LNPEP: variants seen among roughly 807,000 people sequenced by gnomAD.
The protein encoded by LNPEP is leucyl-cystinyl aminopeptidase.
A neutral mutation model predicts 120.6 loss-of-function variants in LNPEP; 64 were observed. The ratio of observed to expected loss-of-function variants is 0.53; its 90% CI spans 0.43 to 0.65. The LOEUF (loss-of-function observed/expected upper bound fraction) is 0.65, where lower values mean the gene tolerates loss of function less well. Ranked by LOEUF, LNPEP falls within the 30% of genes least tolerant of loss-of-function variation. LNPEP has a pLI of 0.00. For synonymous variants in LNPEP, 435 were observed against 425.4 expected, an observed-to-expected ratio of 1.02 and a Z score of -0.28; for missense variants, 1,057 against 1,200.0, an observed-to-expected ratio of 0.88 and a Z score of 1.76.
chr5:96,971,867 A>G (rs1581994157), intron 1 of LNPEP, among the ~76,000 whole-genome samples: 2 of 152,114 alleles, frequency 1.3e-5, no homozygotes, highest in Admixed American at 6.6e-5. Context: ...TTGAAAAATA[A>G]TAAAACACGT....
At chr5:96,971,336 C>CATT (rs1474154246) in intron 1 of LNPEP, among the ~76,000 whole-genome samples, 3 of 139,250 alleles carry the variant, frequency 2.2e-5, no homozygotes, top group African/African-American at 8.4e-5. Flanking sequence ...GTGCTTAAGA[C>CATT]ATTATTATTT....
chr5:96,979,358 C>T lies in LNPEP; in HGVS notation c.240C>T (p.Ser80=), dbSNP rs1366512556. ...CATCAGCAAAGCTGCTGGGCATGTC[C>T]TTCATGAATAGAAGCTCAGGCCTTC... ...YESSAKLLGM[S]FMNRSSGLRN... Residue 80 remains serine, a synonymous_variant, in exon 2 of 18, where the codon TCC becomes TCT. Coordinates refer to ENST00000231368, the MANE Select transcript of LNPEP (RefSeq NM_005575.3). 4 of 1,613,896 alleles carry T rather than the reference C, an allele frequency of 2.5e-6. No individual in the cohort carries two copies. Among genetic ancestry groups the T allele is most frequent in the East Asian group, 4.5e-5 (2 of 44,888 alleles).
At position 96,979,445 on chromosome 5, in the gene LNPEP, G is replaced by A. The variant is rs1330226956; in HGVS notation, c.327G>A (p.Arg109=). The change falls in exon 2 of 18, where the codon AGG becomes AGA. Residue 109 remains arginine (R), a synonymous_variant. Coordinates refer to ENST00000231368, the MANE Select transcript of LNPEP (RefSeq NM_005575.3). ...GGGCTTGTTCAGTACCCTCTGCAAG[G>A]ACCATGGTGGTCTGTGCTTTTGTCA... ...PDGACSVPSA[R]TMVVCAFVIV... 4 of 1,613,960 alleles carry A rather than the reference G, an allele frequency of 2.5e-6. No individual in the cohort carries two copies. Among genetic ancestry groups the A allele is most frequent in the Non-Finnish European group, 3.4e-6 (4 of 1,179,976 alleles).
At chr5:96,963,971 A>G (rs548481967) in intron 1 of LNPEP, among the ~76,000 whole-genome samples, 1 of 148,570 alleles carries the variant, frequency 6.7e-6, no homozygotes, top group East Asian at 2.2e-4. Flanking sequence ...CCTGCTGTGC[A>G]ATAGAACACC....
intron 17 of LNPEP, 93 bp from the exon 18 acceptor site, chr5:97,028,309 C>G (rs1485746943): frequency 8.9e-7 from 1 of 1,118,500 alleles, no homozygotes; most frequent in East Asian, 2.4e-5. Context: ...GCAGCACAGC[C>G]ATCACTAAGT....
intron 9 of LNPEP, among the ~76,000 whole-genome samples, chr5:97,004,511 CAAA>C (rs200476030): frequency 9.8e-5 from 7 of 71,590 alleles, no homozygotes; most frequent in Admixed American, 1.6e-4. Context: ...GACTCTGTCT[CAAA>C]AAAAAAAAAA....
In LNPEP at chr5:96,993,874, C is replaced by T. The variant is rs1790448593; in HGVS notation, c.1310C>T (p.Thr437Ile). 6.2e-7 allele frequency: 1 copy of T among 1,613,886 alleles called. No homozygotes were observed. Among genetic ancestry groups the T allele is most frequent in the African/African-American group, 1.3e-5 (1 of 75,022 alleles). Residue 437 changes from threonine (T) to isoleucine (I), a missense_variant, in exon 6 of 18, where the codon ACC (threonine) becomes ATC (isoleucine). Physicochemically the swap from Thr to Ile is moderately conservative, Grantham distance 89 (BLOSUM62 -1). Transcript: ENST00000231368. ...GCAATGGAAAATTGGGGTTTGCTCA[C>T]CTTCCGAGAGGAGACACTTCTGTAT... ...AGAMENWGLLTFREETLLYDS... is the reference protein window; with the variant it reads ...AGAMENWGLLIFREETLLYDS...
At chr5:96,983,414 T>C (rs1790171042) in intron 2 of LNPEP, among the ~76,000 whole-genome samples, 2 of 152,202 alleles carry the variant, frequency 1.3e-5, no homozygotes, top group African/African-American at 4.8e-5. Flanking sequence ...TGTTTCTTTT[T>C]ATGCTTTTCC....
intron 1 of LNPEP, among the ~76,000 whole-genome samples, chr5:96,978,618 T>C (rs1790054185): frequency 6.6e-6 from 1 of 152,150 alleles, no homozygotes; most frequent in South Asian, 2.1e-4. Flanking sequence ...AGAATGAGAC[T>C]CAGGGATGAG....
intron 11 of LNPEP, among the ~76,000 whole-genome samples, chr5:97,008,751 G>A (rs1309848267): frequency 2.9e-5 from 4 of 140,202 alleles, no homozygotes; most frequent in South Asian, 4.6e-4. Context: ...TGCAAGCTCC[G>A]CCTCCCGGGT....
In LNPEP at chr5:96,954,745, TACAC is replaced by T. The variant is rs1173579568; in HGVS notation, c.19+18573_19+18576del. Among the ~76,000 whole-genome samples, 172 of 47,856 alleles carry T rather than the reference TACAC, an allele frequency of 3.6e-3. 29 individuals are homozygous for T. The highest frequency in any genetic ancestry group is 0.011 in the African/African-American group (146 of 13,378). The allele number at this position is 47,856 out of a possible 152,430, so 31.4% of individuals were successfully genotyped here. On this transcript the variant is annotated intron_variant, in intron 1 of 17. Transcript: ENST00000231368. ...ATACATATATATATACATATATATA[TACAC>T]ATATATATATATATATATATATATT...
At chr5:97,014,387 T>C (rs1201072459) in intron 12 of LNPEP, among the ~76,000 whole-genome samples, 2 of 152,210 alleles carry the variant, frequency 1.3e-5, no homozygotes, top group Non-Finnish European at 2.9e-5. Context: ...TCCCTGGGCA[T>C]TTCCATTTTG....
chr5:97,025,005 T>C (rs1561456411), intron 15 of LNPEP, among the ~76,000 whole-genome samples: 1 of 152,236 alleles, frequency 6.6e-6, no homozygotes. Context: ...AGGCATTGCT[T>C]TGTGCAAGCT....
Position 96,986,605 on chromosome 5 carries a change from A to G in LNPEP, c.1066A>G (p.Thr356Ala), listed in dbSNP as rs760791739. 2 of 1,613,608 alleles carry G rather than the reference A, an allele frequency of 1.2e-6. No individual in the cohort carries two copies. Among genetic ancestry groups the G allele is most frequent in the South Asian group, 2.2e-5 (2 of 91,072 alleles). ...GTTTTCTGAGAGTGTGAAGATGAGCACTTACTTGGTTGCTTTCATTGTGGG... is the reference window on the plus strand; with the variant it reads ...GTTTTCTGAGAGTGTGAAGATGAGCGCTTACTTGGTTGCTTTCATTGTGGG... ...DEFSESVKMS[T>A]YLVAFIVGEM... Residue 356 changes from threonine to alanine, a missense_variant, in exon 4 of 18, where the codon ACT (threonine) becomes GCT (alanine). Thr to Ala is a moderately conservative substitution (Grantham distance 58). Coordinates refer to ENST00000231368, the MANE Select transcript of LNPEP (RefSeq NM_005575.3).
intron 1 of LNPEP, among the ~76,000 whole-genome samples, chr5:96,972,869 C>G (rs1349817173): frequency 3.9e-5 from 6 of 152,062 alleles, no homozygotes; most frequent in Admixed American, 3.9e-4. Context: ...CTTTTCTCTT[C>G]ACAAGGGAGA....
intron 11 of LNPEP, among the ~76,000 whole-genome samples, chr5:97,012,019 A>G (rs1355439556): frequency 6.6e-6 from 1 of 152,180 alleles, no homozygotes; most frequent in African/African-American, 2.4e-5. Flanking sequence ...TCAGGTACTA[A>G]TATATAATCT....
At position 97,028,452 on chromosome 5, in the gene LNPEP, T is replaced by G. The variant is rs1446568107; in HGVS notation, c.2997T>G (p.Cys999Trp). ...CAGAGGCAACCTTCCGGCTTCGTTG[T>G]GTCCAGGAGGCTTTGGAAGTCATTC... Reference protein sequence around the residue: ...NQSEATFRLRCVQEALEVIQL... With the variant: ...NQSEATFRLRWVQEALEVIQL... Residue 999 changes from cysteine (C) to tryptophan (W), a missense_variant, in exon 18 of 18, where the codon TGT becomes TGG. Coordinates refer to ENST00000231368, the MANE Select transcript of LNPEP (RefSeq NM_005575.3). 1.2e-6 allele frequency: 2 copies of G among 1,613,988 alleles called. No homozygotes were observed. The highest frequency in any genetic ancestry group is 3.3e-5 in the Admixed American group (2 of 60,034).
At chr5:97,028,190 G>A (rs559255220) in intron 17 of LNPEP, among the ~76,000 whole-genome samples, 1 of 152,288 alleles carries the variant, frequency 6.6e-6, no homozygotes, top group South Asian at 2.1e-4. Flanking sequence ...CTGTGTGGGA[G>A]TAAAAAGATT....
chr5:96,940,955 G>A lies in LNPEP; in HGVS notation c.19+4781G>A, dbSNP rs151084967. On this transcript the variant is annotated intron_variant, in intron 1 of 17. Transcript: ENST00000231368. Reference sequence around the variant, plus strand: ...TCTAAAGGGGAGAAGGTTTGGGGATGACTCAAGTGCATTATATTTATTGTG... The same window carrying A: ...TCTAAAGGGGAGAAGGTTTGGGGATAACTCAAGTGCATTATATTTATTGTG... Among the ~76,000 whole-genome samples the A allele has an allele frequency of 9.8e-3, 1,489 of 152,300 alleles. 10 individuals carry two copies. The highest frequency in any genetic ancestry group is 0.018 in the Non-Finnish European group (1,195 of 68,022).
Sources: gnomAD v4.1 joint callset for allele counts (sites outside exome capture counted in the v4.1 genomes callset) on GRCh38, gnomAD v4.1.1 for gene constraint, MANE v1.5 for transcripts, NCBI Gene and HGNC (gene_info 2026-07-23, HGNC 2026-07-21) for gene names.